The following FIP1L1 variants were observed in gnomAD, a reference collection of about 807,000 sequenced individuals.
The protein encoded by FIP1L1 is pre-mRNA 3'-end-processing factor FIP1.
A neutral mutation model predicts 84.6 loss-of-function variants in FIP1L1; 21 were observed. The ratio of observed to expected loss-of-function variants is 0.25; its 90% CI spans 0.18 to 0.36. FIP1L1 has a LOEUF of 0.36. FIP1L1 is among the 10% of genes least tolerant of loss of function. The pLI is 1.00. For missense variants in FIP1L1, 526 were observed against 751.1 expected, an observed-to-expected ratio of 0.70 and a Z score of 3.50; for synonymous variants, 263 against 242.3, an observed-to-expected ratio of 1.09 and a Z score of -0.80.
chr4:53,451,206 G>A (rs571353440), intron 15 of FIP1L1, among the ~76,000 whole-genome samples: 3 of 151,650 alleles, frequency 2.0e-5, no homozygotes, highest in Admixed American at 2.0e-4. Context: ...CCTGACCTCA[G>A]GCAATCCGCC....
intron 10 of FIP1L1, among the ~76,000 whole-genome samples, chr4:53,405,343 G>A (rs1752711122): frequency 6.6e-6 from 1 of 152,024 alleles, no homozygotes; most frequent in Admixed American, 6.6e-5. Flanking sequence ...ATTTCTGAGG[G>A]CTCTGTTCTG....
rs1342454694 is a variant in FIP1L1, at chr4:53,425,725, C to G, written c.924-147C>G. On this transcript the variant is annotated intron_variant, in intron 11 of 17. Coordinates refer to ENST00000337488, the MANE Select transcript of FIP1L1 (RefSeq NM_030917.4). ...GACAATGCAAAGTAGTGAGCTTAAA[C>G]TCAGGGATATTTTTCAATGTGTATT... 5.3e-6 allele frequency: 3 copies of G among 566,850 alleles called. No homozygotes were observed. The African/African-American group carries it at 5.7e-5, about 11-fold the overall frequency. 35.1% of individuals were successfully genotyped at this position (566,850 alleles called of 1,614,324 possible).
intron 13 of FIP1L1, among the ~76,000 whole-genome samples, chr4:53,433,682 C>A (rs1333069005): frequency 6.6e-6 from 1 of 152,112 alleles, no homozygotes; most frequent in African/African-American, 2.4e-5. Flanking sequence ...GAAGAAGGGT[C>A]TTTGCTTTAC....
intron 15 of FIP1L1, among the ~76,000 whole-genome samples, chr4:53,449,073 T>G (rs1411186857): frequency 6.6e-6 from 1 of 152,126 alleles, no homozygotes; most frequent in African/African-American, 2.4e-5. Flanking sequence ...TGCTCCTTTT[T>G]TTTTCAGATC....
At chr4:53,415,043 A>G (rs1305788267) in intron 11 of FIP1L1, among the ~76,000 whole-genome samples, 1 of 152,004 alleles carries the variant, frequency 6.6e-6, no homozygotes. Context: ...AAAAATTCCC[A>G]GGTGCTTTTC....
chr4:53,381,568 C>G (rs1737897915), intron 3 of FIP1L1, among the ~76,000 whole-genome samples: 1 of 151,930 alleles, frequency 6.6e-6, no homozygotes, highest in Non-Finnish European at 1.5e-5. Flanking sequence ...TATGTTTTGA[C>G]TTTTTATCTT....
chr4:53,446,190 C>A (rs1178105290), intron 15 of FIP1L1, among the ~76,000 whole-genome samples: 1 of 140,504 alleles, frequency 7.1e-6, no homozygotes, highest in Non-Finnish European at 1.5e-5. Context: ...TGTTTCTTCC[C>A]CTTCTCCCCT....
At chr4:53,406,043 A>G (rs7377858) in intron 10 of FIP1L1, among the ~76,000 whole-genome samples, 84,179 of 150,352 alleles carry the variant, frequency 0.56, 25,006 homozygotes, top group Non-Finnish European at 0.67. Flanking sequence ...TTCCAACACT[A>G]TGTTGAATAG....
At chr4:53,406,434 C>T (rs886901303) in intron 10 of FIP1L1, among the ~76,000 whole-genome samples, 5 of 152,104 alleles carry the variant, frequency 3.3e-5, no homozygotes, top group East Asian at 1.9e-4. Flanking sequence ...AGGATTTTTG[C>T]GTCAATGTTC....
intron 10 of FIP1L1, among the ~76,000 whole-genome samples, chr4:53,400,745 G>A (rs1227756530): frequency 2.0e-5 from 3 of 152,136 alleles, no homozygotes; most frequent in Admixed American, 1.3e-4. Flanking sequence ...ATGGCATAAA[G>A]TGATCCAGGA....
intron 9 of FIP1L1, among the ~76,000 whole-genome samples, chr4:53,391,928 G>A (rs35225781): frequency 0.16 from 24,968 of 152,116 alleles, 2,087 homozygotes; most frequent in South Asian, 0.23. Flanking sequence ...TATCATTGGT[G>A]TAATGCCCTG....
Position 53,422,093 on chromosome 4 carries a change from A to AT in FIP1L1, c.924-3771dup, listed in dbSNP as rs1041370703. On this transcript the variant is annotated intron_variant, in intron 11 of 17. Transcript: ENST00000337488. ...TTGAGAAATAGCTCTTTAAAATTCA[A>AT]TTTTTTTTGGTAGGAATTTTGGAGA... 3.3e-5 allele frequency among the ~76,000 whole-genome samples: 5 copies of AT among 151,924 alleles called. No homozygotes were observed. The South Asian group carries it at 6.2e-4, about 19-fold the overall frequency.
At chr4:53,446,177 C>T (rs1774110034) in intron 15 of FIP1L1, among the ~76,000 whole-genome samples, 1 of 148,866 alleles carries the variant, frequency 6.7e-6, no homozygotes, top group Non-Finnish European at 1.5e-5. Context: ...GTTTCAATGA[C>T]TATGTTTCTT....
At chr4:53,412,428 G>A (rs911695152) in intron 10 of FIP1L1, among the ~76,000 whole-genome samples, 16 of 152,014 alleles carry the variant, frequency 1.1e-4, no homozygotes, top group East Asian at 3.9e-4. Flanking sequence ...CCAGTGTCAC[G>A]CGTTAAATTT....
At chr4:53,456,249 A>C (rs1314081184) in intron 16 of FIP1L1, among the ~76,000 whole-genome samples, 1 of 152,156 alleles carries the variant, frequency 6.6e-6, no homozygotes. Context: ...CATAAATAAC[A>C]CATTGTTTAT....
intron 11 of FIP1L1, among the ~76,000 whole-genome samples, chr4:53,421,722 G>T (rs1210231770): frequency 1.3e-5 from 2 of 152,122 alleles, no homozygotes; most frequent in Non-Finnish European, 2.9e-5. Context: ...ATTGATATGT[G>T]ATTCACCCAT....
At chr4:53,382,216 T>C (rs1338089536) in intron 3 of FIP1L1, 62 bp from the exon 4 acceptor site, 2 of 1,146,304 alleles carry the variant, frequency 1.7e-6, no homozygotes, top group Admixed American at 3.5e-5. Context: ...AATACTAATA[T>C]AATCTATCTG....
rs1159054391 is a variant in FIP1L1 at position 53,379,251 on chromosome 4, G to A, written c.157G>A (p.Glu53Lys). The A allele has an allele frequency of 6.3e-7, 1 of 1,599,462 alleles. No individual in the cohort carries two copies. Among genetic ancestry groups the A allele is most frequent in the Non-Finnish European group, 8.5e-7 (1 of 1,176,172 alleles). Residue 53 changes from glutamate (E) to lysine (K), a missense_variant, in exon 3 of 18, where the codon GAA becomes AAA. By Grantham distance (56) the Glu-to-Lys change is moderately conservative. Around this residue, in one of 6 missense-constraint regions of FIP1L1, gnomAD observed 100 missense variants for 107.2 expected, o/e 0.93. Coordinates refer to ENST00000337488, the MANE Select transcript of FIP1L1 (RefSeq NM_030917.4). ...LDENEVERPEEENASANPPSG... is the reference protein window; with the variant it reads ...LDENEVERPEKENASANPPSG... The stretch of plus-strand genomic sequence containing the variant: ...TGAAAATGAAGTTGAAAGGCCAGAA[G>A]AAGAAAATGCCAGGTTAGTGAAATT...
At chr4:53,397,719 G>A (rs375601397) in intron 9 of FIP1L1, among the ~76,000 whole-genome samples, 35 of 152,154 alleles carry the variant, frequency 2.3e-4, no homozygotes, top group African/African-American at 7.7e-4. Flanking sequence ...GTTACTGATC[G>A]CAGATTGGAA....
Sources: gnomAD v4.1 joint callset for allele counts (sites outside exome capture counted in the v4.1 genomes callset) on GRCh38, gnomAD v4.1.1 for gene constraint, gnomAD v4.1.1 regional missense constraint, MANE v1.5 for transcripts, NCBI Gene and HGNC (gene_info 2026-07-23, HGNC 2026-07-21) for gene names.